CPEB3: variants seen among roughly 807,000 people sequenced by gnomAD.
CPEB3 encodes the protein cytoplasmic polyadenylation element binding protein 3.
CPEB3 carries 20 observed loss-of-function variants against 67.2 expected under a neutral mutation model. The ratio of observed to expected loss-of-function variants is 0.30; its 90% confidence interval spans 0.21 to 0.43. The LOEUF is 0.43. Among genes scored for constraint, CPEB3 ranks in the 20% least tolerant of loss-of-function variants. The pLI is 1.00. For missense variants in CPEB3, 746 were observed against 968.6 expected, an observed-to-expected ratio of 0.77 and a Z score of 3.05; for synonymous variants, 376 against 393.1, an observed-to-expected ratio of 0.96 and a Z score of 0.51.
chr10:92,192,604 C>T lies in CPEB3; in HGVS notation c.1038G>A (p.Leu346=). Residue 346 remains leucine (L), a synonymous_variant, in exon 3 of 10, where the codon TTG becomes TTA. Transcript: ENST00000265997. ...CCATTAAGGAGTTCTCCAACGAGTG[C>T]AAGTTAAAAGTATCATAGGGCCTAC... ...DRSRPYDTFN[L]HSLENSLMDM... is the part of the protein sequence containing the mutation. 1 of 1,612,082 alleles carries T rather than the reference C, an allele frequency of 6.2e-7. No individual in the cohort carries two copies. The highest frequency in any genetic ancestry group is 8.5e-7 in the Non-Finnish European group (1 of 1,179,072).
rs1208115244 is a variant in CPEB3 at position 92,240,221 on chromosome 10, T to A, written c.130A>T (p.Thr44Ser). 5 of 1,507,466 alleles carry A rather than the reference T, an allele frequency of 3.3e-6. No homozygotes were observed. Among genetic ancestry groups the A allele is most frequent in the Admixed American group, 4.5e-5 (2 of 44,648 alleles). 93.4% of individuals were successfully genotyped at this position (1,507,466 alleles called of 1,614,324 possible). A position where few individuals can be genotyped will look rare whatever the true frequency, so the allele number is the denominator to read the frequency against. ...GCGCTGTTTTCCTCCGGCTTGGGGG[T>A]CTCTGAGGAGAGGGGCGTGGACGGG... ...EAPSTPLSSE[T>S]PKPEENSAVP... The change falls in exon 2 of 10, where the codon ACC becomes TCC. Residue 44 changes from threonine to serine, a missense_variant. Physicochemically the swap from Thr to Ser is moderately conservative, Grantham distance 58 (BLOSUM62 1). Transcript: ENST00000265997.
chr10:92,091,879 G>A lies in CPEB3; in HGVS notation c.1638C>T (p.Asp546=), dbSNP rs1381084432. ...DFVMDGSQPL[D]PRKTIFVGGV... ...CCCCAACAAAGATAGTTTTTCTGGG[G>A]TCCAAAGGCTGAGAACCATCCATTA... Residue 546 remains aspartate, a synonymous_variant, in exon 8 of 10, where the codon GAC becomes GAT. Coordinates refer to ENST00000265997, the MANE Select transcript of CPEB3 (RefSeq NM_014912.5). 1.9e-6 allele frequency: 3 copies of A among 1,613,680 alleles called. No individual in the cohort carries two copies. The highest frequency in any genetic ancestry group is 2.7e-5 in the African/African-American group (2 of 74,888).
intron 6 of CPEB3, among the ~76,000 whole-genome samples, chr10:92,139,373 G>C (rs1846279473): frequency 6.6e-6 from 1 of 151,730 alleles, no homozygotes; most frequent in African/African-American, 2.4e-5. Flanking sequence ...CCTGTCATCT[G>C]CAACAACATG....
intron 2 of CPEB3, among the ~76,000 whole-genome samples, chr10:92,203,180 A>T (rs1849598536): frequency 6.6e-6 from 1 of 151,232 alleles, no homozygotes; most frequent in Non-Finnish European, 1.5e-5. Context: ...GGACCTCATG[A>T]TCTACCCACT....
intron 9 of CPEB3, 99 bp downstream of exon 9, chr10:92,081,221 G>C (rs1843140058): frequency 3.2e-6 from 4 of 1,247,738 alleles, no homozygotes; most frequent in Admixed American, 1.7e-5. Context: ...GCAAGGTAGA[G>C]CTGGTCACTT....
At chr10:92,053,054 T>G (rs1841960688) in intron 9 of CPEB3, among the ~76,000 whole-genome samples, 1 of 152,160 alleles carries the variant, frequency 6.6e-6, no homozygotes, top group African/African-American at 2.4e-5. Flanking sequence ...TCCCTGAGAC[T>G]AACACCCCAA....
intron 4 of CPEB3, among the ~76,000 whole-genome samples, chr10:92,146,277 T>C (rs1476034558): frequency 6.6e-6 from 1 of 152,168 alleles, no homozygotes; most frequent in African/African-American, 2.4e-5. Context: ...TCATTTGGCA[T>C]TACAAAATAA....
chr10:92,078,674 T>C (rs891499371), intron 9 of CPEB3, among the ~76,000 whole-genome samples: 1 of 152,204 alleles, frequency 6.6e-6, no homozygotes. Context: ...ATGGCTTTCC[T>C]GAGCCCTGAG....
intron 1 of CPEB3, among the ~76,000 whole-genome samples, chr10:92,250,329 G>A (rs753666556): frequency 2.2e-4 from 34 of 151,724 alleles, no homozygotes; most frequent in Non-Finnish European, 4.1e-4. Context: ...CTCGTGATCC[G>A]CCCACCCTCA....
At chr10:92,093,288 T>A (rs1160791698) in intron 7 of CPEB3, among the ~76,000 whole-genome samples, 1 of 152,126 alleles carries the variant, frequency 6.6e-6, no homozygotes, top group East Asian at 1.9e-4. Flanking sequence ...AACAAAAAAG[T>A]TGACTTTTCA....
intron 2 of CPEB3, among the ~76,000 whole-genome samples, chr10:92,229,653 G>A (rs190027885): frequency 0.011 from 1,726 of 152,212 alleles, 16 homozygotes; most frequent in Non-Finnish European, 0.019. Flanking sequence ...ATAAAGTCTG[G>A]GAAACATATA....
At chr10:92,111,503 A>T (rs186641979) in intron 6 of CPEB3, among the ~76,000 whole-genome samples, 25 of 152,364 alleles carry the variant, frequency 1.6e-4, no homozygotes, top group Non-Finnish European at 2.5e-4. Flanking sequence ...ACAAGTAGCC[A>T]GGAAACAAGC....
At chr10:92,118,391 C>G (rs1305256350) in intron 6 of CPEB3, among the ~76,000 whole-genome samples, 1 of 152,162 alleles carries the variant, frequency 6.6e-6, no homozygotes, top group Non-Finnish European at 1.5e-5. Context: ...CCCAGCCTCC[C>G]AAAGTGCTGG....
At chr10:92,208,006 G>T (rs538052899) in intron 2 of CPEB3, among the ~76,000 whole-genome samples, 3 of 152,338 alleles carry the variant, frequency 2.0e-5, no homozygotes, top group East Asian at 3.9e-4. Flanking sequence ...AACAAGAGGA[G>T]AAAGGACCTG....
chr10:92,209,861 C>G (rs574276272), intron 2 of CPEB3, among the ~76,000 whole-genome samples: 3 of 148,218 alleles, frequency 2.0e-5, no homozygotes, highest in African/African-American at 5.0e-5. Flanking sequence ...CACTTGTACC[C>G]GAGAGGCGGA....
At chr10:92,210,174 G>A (rs1217187300) in intron 2 of CPEB3, among the ~76,000 whole-genome samples, 1 of 152,090 alleles carries the variant, frequency 6.6e-6, no homozygotes, top group African/African-American at 2.4e-5. Context: ...ACAGCACACT[G>A]TAAGCACTCA....
chr10:92,216,749 G>C (rs1367763093), intron 2 of CPEB3: 20 of 1,609,766 alleles, frequency 1.2e-5, no homozygotes, highest in Non-Finnish European at 1.4e-5. Context: ...GGAGGCTTAC[G>C]ACGAGTGCCT....
At chr10:92,204,906 T>A (rs1849706775) in intron 2 of CPEB3, among the ~76,000 whole-genome samples, 1 of 148,354 alleles carries the variant, frequency 6.7e-6, no homozygotes, top group South Asian at 2.2e-4. Flanking sequence ...AGTGGTACTA[T>A]AATGGCTCAC....
At chr10:92,113,444 G>A (rs933980272) in intron 6 of CPEB3, among the ~76,000 whole-genome samples, 3 of 152,114 alleles carry the variant, frequency 2.0e-5, no homozygotes, top group African/African-American at 4.8e-5. Context: ...CAAAGAGGAG[G>A]TCTCAGCAGG....
Sources: gnomAD v4.1 joint callset for allele counts (sites outside exome capture counted in the v4.1 genomes callset) on GRCh38, gnomAD v4.1.1 for gene constraint, MANE v1.5 for transcripts, NCBI Gene and HGNC (gene_info 2026-07-23, HGNC 2026-07-21) for gene names.